Variants in CTXN2 observed in about 807,000 individuals in gnomAD.
The protein encoded by CTXN2 is cortexin 2.
Under a neutral mutation model 5.7 loss-of-function variants are expected in CTXN2, and 3 were observed. That is an observed-to-expected ratio of 0.53 (90% CI 0.24 to 1.36). The LOEUF (loss-of-function observed/expected upper bound fraction) is 1.36. Ranked by LOEUF, CTXN2 falls within the 40% of genes most tolerant of loss-of-function variation. The pLI, the probability that CTXN2 is intolerant of heterozygous loss-of-function variation, is 0.17. For synonymous variants in CTXN2, 38 were observed against 36.4 expected (o/e 1.04, Z -0.16); for missense variants, 87 against 93.0 (o/e 0.94, Z 0.26).
At position 48,180,712 on chromosome 15, in the gene CTXN2, G is replaced by GT. The variant is rs1183262374; in HGVS notation, c.-455+2313dup. The stretch of plus-strand genomic sequence containing the variant: ...ATTTTTAGTAGAAACAGGTTTCACC[G>GT]TGTTAGCCAGGATGGTCTCCATCTC... On this transcript the variant is annotated intron_variant, in intron 1 of 2. Coordinates refer to the CTXN2 transcript ENST00000644354. Among the ~76,000 whole-genome samples the GT allele has an allele frequency of 3.2e-4, 48 of 152,246 alleles. 1 individual carries two copies. Among genetic ancestry groups the GT allele is most frequent in the African/African-American group, 1.1e-3 (47 of 41,564 alleles).
intron 1 of CTXN2, among the ~76,000 whole-genome samples, chr15:48,198,199 C>T (rs1466701062): frequency 6.6e-6 from 1 of 152,078 alleles, no homozygotes. Context: ...AGAACAAAAA[C>T]ACTGAACTCT....
chr15:48,181,361 G>A (rs1182153187), intron 1 of CTXN2, among the ~76,000 whole-genome samples: 3 of 152,046 alleles, frequency 2.0e-5, no homozygotes, highest in African/African-American at 7.2e-5. Context: ...GCACCTTGTC[G>A]GCATTGTAGG....
chr15:48,183,176 C>A (rs1259592276), intron 1 of CTXN2, among the ~76,000 whole-genome samples: 1 of 152,198 alleles, frequency 6.6e-6, no homozygotes, highest in Non-Finnish European at 1.5e-5. Flanking sequence ...ATATTTTGCA[C>A]AGTTTCTAAA....
chr15:48,187,375 CAT>C (rs1404767490), upstream of CTXN2, among the ~76,000 whole-genome samples: 3 of 151,916 alleles, frequency 2.0e-5, no homozygotes, highest in African/African-American at 7.3e-5. Context: ...GTCTTTAATA[CAT>C]GTTTTAAAAT....
intron 1 of CTXN2, among the ~76,000 whole-genome samples, chr15:48,186,154 T>G (rs1411919155): frequency 1.3e-5 from 2 of 152,164 alleles, no homozygotes; most frequent in Non-Finnish European, 2.9e-5. Flanking sequence ...CAACAGTGAA[T>G]ATAGTGGAGG....
intron 1 of CTXN2, among the ~76,000 whole-genome samples, chr15:48,182,759 G>T (rs866021399): frequency 6.6e-6 from 1 of 152,192 alleles, no homozygotes; most frequent in Non-Finnish European, 1.5e-5. Context: ...TCTAGGAAAG[G>T]ATTTAATGCA....
chr15:48,182,703 C>T (rs912892054), intron 1 of CTXN2, among the ~76,000 whole-genome samples: 1 of 152,058 alleles, frequency 6.6e-6, no homozygotes, highest in African/African-American at 2.4e-5. Context: ...TTTTATCAGT[C>T]AGGAAAAGAA....
chr15:48,196,656 C>T (rs2040882235), intron 1 of CTXN2, among the ~76,000 whole-genome samples: 1 of 152,068 alleles, frequency 6.6e-6, no homozygotes, highest in African/African-American at 2.4e-5. Flanking sequence ...TCTGATTCAT[C>T]ATATTAGTAG....
intron 1 of CTXN2, among the ~76,000 whole-genome samples, chr15:48,199,041 A>G (rs1248827220): frequency 6.6e-6 from 1 of 152,156 alleles, no homozygotes; most frequent in Non-Finnish European, 1.5e-5. Context: ...CTCAGCACCC[A>G]TGGAAGAGTG....
At chr15:48,179,531 T>C (rs1421678099) in intron 1 of CTXN2, among the ~76,000 whole-genome samples, 2 of 152,146 alleles carry the variant, frequency 1.3e-5, no homozygotes, top group Non-Finnish European at 2.9e-5. Flanking sequence ...AGACATAAGA[T>C]TTATAATCGC....
At chr15:48,179,788 T>A (rs2040679073) in intron 1 of CTXN2, among the ~76,000 whole-genome samples, 1 of 152,366 alleles carries the variant, frequency 6.6e-6, no homozygotes, top group South Asian at 2.1e-4. Flanking sequence ...AGGGTTTTAG[T>A]CAAAGACAAG....
chr15:48,193,501 A>G (rs1340279081), intron 1 of CTXN2, among the ~76,000 whole-genome samples: 1 of 151,946 alleles, frequency 6.6e-6, no homozygotes, highest in Non-Finnish European at 1.5e-5. Context: ...ATTTTTTAAT[A>G]TATGGTTTTG....
chr15:48,179,010 G>A (rs2040657646), intron 1 of CTXN2, among the ~76,000 whole-genome samples: 1 of 151,580 alleles, frequency 6.6e-6, no homozygotes, highest in Admixed American at 6.6e-5. Context: ...GGTTTTGACT[G>A]TGTGTTTATT....
chr15:48,196,018 A>G (rs1349210353), intron 1 of CTXN2, among the ~76,000 whole-genome samples: 6 of 152,160 alleles, frequency 3.9e-5, no homozygotes, highest in African/African-American at 1.4e-4. Context: ...CAATGAAAGT[A>G]TAGTGAATAT....
intron 1 of CTXN2, among the ~76,000 whole-genome samples, chr15:48,179,216 T>A (rs747722505): frequency 6.6e-6 from 1 of 152,130 alleles, no homozygotes; most frequent in Non-Finnish European, 1.5e-5. Context: ...AAAGTTTAAA[T>A]GCCTTCCCAA....
At chr15:48,198,472 C>A (rs2040899425) in intron 1 of CTXN2, among the ~76,000 whole-genome samples, 1 of 152,012 alleles carries the variant, frequency 6.6e-6, no homozygotes, top group Admixed American at 6.6e-5. Context: ...TAATTATTTT[C>A]CATTTAAAAA....
At chr15:48,193,637 G>A (rs192881037) in intron 1 of CTXN2, among the ~76,000 whole-genome samples, 1 of 151,926 alleles carries the variant, frequency 6.6e-6, no homozygotes, top group African/African-American at 2.4e-5. Flanking sequence ...CCAGCTTTTA[G>A]AGAAAGTGAA....
upstream of CTXN2, among the ~76,000 whole-genome samples, chr15:48,190,496 AT>A (rs957535851): frequency 3.1e-4 from 47 of 152,194 alleles, no homozygotes; most frequent in Middle Eastern, 6.8e-3. Context: ...TACATTGCCC[AT>A]TTTTTTGTAA....
intron 1 of CTXN2, among the ~76,000 whole-genome samples, chr15:48,198,474 AT>A (rs2140987336): frequency 6.6e-6 from 1 of 152,296 alleles, no homozygotes; most frequent in East Asian, 1.9e-4. Context: ...ATTATTTTCC[AT>A]TTAAAAATGA....
Sources: gnomAD v4.1 joint callset for allele counts (sites outside exome capture counted in the v4.1 genomes callset) on GRCh38, gnomAD v4.1.1 for gene constraint, MANE v1.5 for transcripts, NCBI Gene and HGNC (gene_info 2026-07-23, HGNC 2026-07-21) for gene names.